The following NFIB variants were observed in gnomAD, a reference collection of about 807,000 sequenced individuals.
NFIB encodes nuclear factor I B.
In NFIB, 11 loss-of-function variants were observed where a neutral mutation model predicts 61.5. The ratio of observed to expected loss-of-function variants is 0.18; its 90% CI spans 0.11 to 0.30. The LOEUF is 0.30. Ranked by LOEUF, NFIB falls within the 10% of genes least tolerant of loss-of-function variation. The pLI, the probability that NFIB is intolerant of heterozygous loss-of-function variation, is 1.00. For missense variants in NFIB, 471 were observed against 608.9 expected (o/e 0.77, Z 2.38); for synonymous variants, 260 against 216.5 (o/e 1.20, Z -1.76).
At chr9:14,498,624 G>T in the NFIB span, among the ~76,000 whole-genome samples, 1 of 152,202 alleles carries the variant, frequency 6.6e-6, no homozygotes, top group South Asian at 2.1e-4. Context: ...ATAAACTTCA[G>T]AGGAAATTTG....
rs541413427 is a variant in NFIB, at chr9:14,379,227, C to T, written c.108+19297G>A. Among the ~76,000 whole-genome samples the T allele has an allele frequency of 6.6e-5, 10 of 152,286 alleles. No homozygotes were observed. The South Asian group carries it at 2.1e-3, about 32-fold the overall frequency. The stretch of plus-strand genomic sequence containing the variant: ...CCAAACAATGAATGACAATTGTTTG[C>T]TGAGACAACCTGAAACTCCTGAGGC... On this transcript the variant is annotated intron_variant, in intron 1 of 8. Coordinates refer to the NFIB transcript ENST00000380934.
At chr9:14,530,343 C>A in the NFIB span, among the ~76,000 whole-genome samples, 12 of 152,100 alleles carry the variant, frequency 7.9e-5, no homozygotes, top group African/African-American at 2.9e-4. Context: ...CAGTTTGCCA[C>A]TTTAGAGTTT....
chr9:14,443,173 G>T, the NFIB span, among the ~76,000 whole-genome samples: 1 of 152,008 alleles, frequency 6.6e-6, no homozygotes, highest in East Asian at 1.9e-4. Flanking sequence ...AGTGCTGAGG[G>T]TGATCAGTCG....
At position 14,097,875 on chromosome 9, in the gene NFIB, C is replaced by CTTTTTTTTTTTTTTTTTTTTTTTTT. The variant is rs71321962; in HGVS notation, c.1468-9550_1468-9549insAAAAAAAAAAAAAAAAAAAAAAAAA. ...CTTTTTTTTTCTTTCTTTCTTTTTT[C>CTTTTTTTTTTTTTTTTTTTTTTTTT]TTTTTTTTTTTTTTTTTTGCCCTCC... On this transcript the variant is annotated intron_variant, in intron 10 of 10. Transcript: ENST00000380953. Among the ~76,000 whole-genome samples the CTTTTTTTTTTTTTTTTTTTTTTTTT allele has an allele frequency of 1.1e-4, 12 of 110,872 alleles. 1 individual carries two copies. Among genetic ancestry groups the CTTTTTTTTTTTTTTTTTTTTTTTTT allele is most frequent in the Non-Finnish European group, 1.4e-4 (8 of 55,854 alleles). 72.7% of individuals were successfully genotyped at this position (110,872 alleles called of 152,430 possible).
chr9:14,167,468 G>T (rs2044994820), intron 3 of NFIB, among the ~76,000 whole-genome samples: 1 of 152,092 alleles, frequency 6.6e-6, no homozygotes, highest in Non-Finnish European at 1.5e-5. Flanking sequence ...GGGAGGCAGG[G>T]GTTGCAATGA....
intron 6 of NFIB, among the ~76,000 whole-genome samples, chr9:14,138,370 A>C (rs1356736406): frequency 6.6e-6 from 1 of 152,168 alleles, no homozygotes; most frequent in African/African-American, 2.4e-5. Context: ...GGAGGCGAAT[A>C]ATCAGTGTAG....
chr9:14,255,966 C>A (rs571439408), intron 2 of NFIB, among the ~76,000 whole-genome samples: 1 of 152,212 alleles, frequency 6.6e-6, no homozygotes, highest in African/African-American at 2.4e-5. Context: ...GTACTCAAGG[C>A]ACCTAGTTTA....
chr9:14,227,089 C>G (rs1055555266), intron 2 of NFIB, among the ~76,000 whole-genome samples: 2 of 146,714 alleles, frequency 1.4e-5, no homozygotes, highest in Non-Finnish European at 3.0e-5. Context: ...TGCAGTGAGC[C>G]GAGATCACGC....
intron 2 of NFIB, among the ~76,000 whole-genome samples, chr9:14,292,469 A>C (rs912586080): frequency 6.6e-6 from 1 of 152,250 alleles, no homozygotes; most frequent in Admixed American, 6.5e-5. Flanking sequence ...AAATTTAACA[A>C]GCATGTGCTA....
intron 2 of NFIB, among the ~76,000 whole-genome samples, chr9:14,256,542 G>T (rs2056236671): frequency 1.3e-5 from 2 of 152,068 alleles, no homozygotes; most frequent in Non-Finnish European, 2.9e-5. Context: ...AAAGGAAGAG[G>T]AGTGAAATAT....
chr9:14,143,558 G>T (rs2041975542), intron 6 of NFIB, among the ~76,000 whole-genome samples: 1 of 152,080 alleles, frequency 6.6e-6, no homozygotes, highest in Admixed American at 6.6e-5. Context: ...GCATACCCAG[G>T]AAATAATTAA....
intron 1 of NFIB, among the ~76,000 whole-genome samples, chr9:14,344,563 C>G (rs2060996700): frequency 6.6e-6 from 1 of 152,086 alleles, no homozygotes; most frequent in South Asian, 2.1e-4. Flanking sequence ...GCTAGTTCAC[C>G]AGTATTATCG....
chr9:14,343,049 C>T (rs578089727), intron 1 of NFIB, among the ~76,000 whole-genome samples: 94 of 150,198 alleles, frequency 6.3e-4, no homozygotes, highest in African/African-American at 2.1e-3. Context: ...TGAGCATGGC[C>T]GGGGGGGTAG....
chr9:14,151,392 G>T (rs1207805756), intron 4 of NFIB, among the ~76,000 whole-genome samples: 1 of 152,150 alleles, frequency 6.6e-6, no homozygotes, highest in African/African-American at 2.4e-5. Flanking sequence ...GCTGGCAGGT[G>T]TTGGCTGCAA....
At chr9:14,526,592 C>T in the NFIB span, among the ~76,000 whole-genome samples, 1 of 152,260 alleles carries the variant, frequency 6.6e-6, no homozygotes, top group South Asian at 2.1e-4. Context: ...TCCTGCCCTG[C>T]TAAATTTTCC....
chr9:14,347,965 C>G (rs1463321689), intron 1 of NFIB, among the ~76,000 whole-genome samples: 1 of 152,186 alleles, frequency 6.6e-6, no homozygotes, highest in Non-Finnish European at 1.5e-5. Flanking sequence ...CCGCGCACCA[C>G]GTGCGCTCGC....
chr9:14,299,998 T>G (rs886423194), intron 2 of NFIB, among the ~76,000 whole-genome samples: 1 of 152,220 alleles, frequency 6.6e-6, no homozygotes, highest in African/African-American at 2.4e-5. Context: ...ACTCTAACGT[T>G]CAATCTAATA....
the NFIB span, among the ~76,000 whole-genome samples, chr9:14,447,920 A>G: frequency 6.6e-6 from 1 of 152,204 alleles, no homozygotes; most frequent in East Asian, 1.9e-4. Context: ...ACAAGTTTTT[A>G]AATTATGCAT....
At chr9:14,163,741 A>G (rs1046278190) in intron 3 of NFIB, among the ~76,000 whole-genome samples, 1 of 152,032 alleles carries the variant, frequency 6.6e-6, no homozygotes, top group African/African-American at 2.4e-5. Flanking sequence ...CATATCATTC[A>G]AATACAAATT....
Sources: gnomAD v4.1 joint callset for allele counts (sites outside exome capture counted in the v4.1 genomes callset) on GRCh38, gnomAD v4.1.1 for gene constraint, MANE v1.5 for transcripts, NCBI Gene and HGNC (gene_info 2026-07-23, HGNC 2026-07-21) for gene names.